The following KCNMA1 variants were observed in gnomAD, a reference collection of about 807,000 sequenced individuals.
The protein encoded by KCNMA1 is Calcium-activated potassium channel subunit alpha-1.
KCNMA1 carries 29 observed loss-of-function variants against 140.0 expected under a neutral mutation model. The ratio of observed to expected loss-of-function variants is 0.21; its 90% CI spans 0.15 to 0.28. The LOEUF is 0.28. Ranked by LOEUF, KCNMA1 falls within the 10% of genes least tolerant of loss-of-function variation. The probability of loss-of-function intolerance (pLI) is 1.00; values close to 1 mark genes in which losing one functional copy is unlikely to be tolerated. For synonymous variants in KCNMA1, 612 were observed against 611.9 expected, an observed-to-expected ratio of 1.00 and a Z score of 0.00; for missense variants, 880 against 1,602.2, an observed-to-expected ratio of 0.55 and a Z score of 7.70.
At chr10:77,634,571 T>A (rs28706743) in intron 1 of KCNMA1, 2 of 985,016 alleles carry the variant, frequency 2.0e-6, no homozygotes, top group Non-Finnish European at 2.4e-6. Flanking sequence ...TCCTCTGGAC[T>A]CCAGCTCTTG....
rs1184957332 is a variant in KCNMA1, at chr10:76,953,024, CAG to C, written c.2484+775_2484+776del. ...CCCAAAGCTGTTAATAGAACAAGGG[CAG>C]AGAGTAGAATGGATTGTTACCTATG... On this transcript the variant is annotated intron_variant, in intron 21 of 27. Coordinates refer to ENST00000286628, the MANE Select transcript of KCNMA1 (RefSeq NM_001161352.2). Among the ~76,000 whole-genome samples, 16 of 152,300 alleles carry C rather than the reference CAG, an allele frequency of 1.1e-4. 1 individual carries two copies. The highest frequency in any genetic ancestry group is 3.6e-4 in the African/African-American group (15 of 41,570).
chr10:76,965,808 G>C (rs2073700193), intron 20 of KCNMA1, among the ~76,000 whole-genome samples: 1 of 152,090 alleles, frequency 6.6e-6, no homozygotes, highest in Non-Finnish European at 1.5e-5. Flanking sequence ...TGAGTTACAG[G>C]CATCCAGTCT....
intron 2 of KCNMA1, among the ~76,000 whole-genome samples, chr10:77,308,665 G>T (rs565607750): frequency 5.3e-5 from 8 of 152,308 alleles, no homozygotes; most frequent in Admixed American, 2.0e-4. Context: ...CAAAATGGCA[G>T]CATGAGGGAT....
chr10:77,463,558 A>C (rs748590417), intron 1 of KCNMA1, among the ~76,000 whole-genome samples: 1 of 152,210 alleles, frequency 6.6e-6, no homozygotes, highest in Admixed American at 6.5e-5. Flanking sequence ...TTGATGGAGC[A>C]CACGCTAAAA....
chr10:77,491,714 T>C (rs1555386774), intron 1 of KCNMA1, among the ~76,000 whole-genome samples: 5 of 145,478 alleles, frequency 3.4e-5, no homozygotes, highest in Non-Finnish European at 4.5e-5. Context: ...TTAGAAGTCA[T>C]ACACACACAC....
intron 2 of KCNMA1, among the ~76,000 whole-genome samples, chr10:77,395,750 T>A (rs558804776): frequency 6.6e-6 from 1 of 152,326 alleles, no homozygotes; most frequent in African/African-American, 2.4e-5. Flanking sequence ...TCTAACCAAC[T>A]GTCAGCAACA....
In KCNMA1 at chr10:76,947,479, T is replaced by C. The variant is rs1004060738; in HGVS notation, c.2709+1663A>G. On this transcript the variant is annotated intron_variant, in intron 22 of 27. Coordinates refer to ENST00000286628, the MANE Select transcript of KCNMA1 (RefSeq NM_001161352.2). ...CCACACACATACACACACAGACTCA[T>C]GTATCCTGGTAAAATAATAAACCCT... 2.0e-5 allele frequency among the ~76,000 whole-genome samples: 3 copies of C among 152,114 alleles called. 1 individual carries two copies. The highest frequency in any genetic ancestry group is 7.2e-5 in the African/African-American group (3 of 41,418).
intron 1 of KCNMA1, among the ~76,000 whole-genome samples, chr10:77,563,789 G>T (rs187841802): frequency 2.0e-5 from 3 of 152,254 alleles, no homozygotes; most frequent in African/African-American, 7.2e-5. Flanking sequence ...CCACAAAATG[G>T]GACTCCATGC....
chr10:77,377,092 C>A (rs1429045048), intron 2 of KCNMA1, among the ~76,000 whole-genome samples: 2 of 152,158 alleles, frequency 1.3e-5, no homozygotes, highest in Non-Finnish European at 2.9e-5. Context: ...GCCTAGGTGA[C>A]CTTGGCCTGG....
At chr10:77,163,340 G>GAGGCAGAGTTGAATGGTGCCTT (rs1275074935) in intron 5 of KCNMA1, among the ~76,000 whole-genome samples, 1 of 152,194 alleles carries the variant, frequency 6.6e-6, no homozygotes, top group Non-Finnish European at 1.5e-5. Flanking sequence ...TCATGCCACA[G>GAGGCAGAGTTGAATGGTGCCTT]AGGCAGAGTT....
chr10:77,002,361 T>C (rs2086754406), intron 18 of KCNMA1, among the ~76,000 whole-genome samples: 1 of 152,238 alleles, frequency 6.6e-6, no homozygotes, highest in African/African-American at 2.4e-5. Context: ...TAGCTACTCA[T>C]GGGTGTATTT....
intron 3 of KCNMA1, among the ~76,000 whole-genome samples, chr10:77,234,866 C>T (rs139389113): frequency 6.6e-6 from 1 of 152,296 alleles, no homozygotes; most frequent in African/African-American, 2.4e-5. Context: ...TACAATAAAA[C>T]ACTTCTAAGA....
At chr10:77,192,416 G>A (rs1018262362) in intron 3 of KCNMA1, among the ~76,000 whole-genome samples, 1 of 152,054 alleles carries the variant, frequency 6.6e-6, no homozygotes, top group Non-Finnish European at 1.5e-5. Context: ...ACCTAGATAG[G>A]TATAGCAAAA....
At chr10:77,357,560 A>C (rs1566219988) in intron 2 of KCNMA1, among the ~76,000 whole-genome samples, 2 of 152,250 alleles carry the variant, frequency 1.3e-5, no homozygotes, top group South Asian at 4.1e-4. Context: ...AATAAAGAAC[A>C]ATTTTTAAAG....
intron 6 of KCNMA1, among the ~76,000 whole-genome samples, chr10:77,115,116 C>G (rs1215563291): frequency 6.6e-6 from 1 of 152,192 alleles, no homozygotes; most frequent in African/African-American, 2.4e-5. Context: ...CTTTCTTCTT[C>G]TATGGAAGAG....
chr10:77,267,768 G>A (rs545714357), intron 2 of KCNMA1, among the ~76,000 whole-genome samples: 90 of 152,228 alleles, frequency 5.9e-4, no homozygotes, highest in African/African-American at 1.8e-3. Context: ...GTCTTCTAAT[G>A]AGTCCCAATC....
chr10:77,262,558 A>T (rs572536366), intron 2 of KCNMA1, among the ~76,000 whole-genome samples: 8 of 147,940 alleles, frequency 5.4e-5, no homozygotes, highest in Non-Finnish European at 1.2e-4. Flanking sequence ...GTTGGAGGTG[A>T]GGCCTGATGG....
chr10:77,557,748 G>A (rs923945736), intron 1 of KCNMA1, among the ~76,000 whole-genome samples: 4 of 151,232 alleles, frequency 2.6e-5, no homozygotes, highest in South Asian at 2.1e-4. Context: ...CGCCTCCTGG[G>A]TTCAAGCAAT....
chr10:77,382,990 GTGTGTATATATATATATATA>G (rs1255849097), intron 2 of KCNMA1, among the ~76,000 whole-genome samples: 4 of 42,602 alleles, frequency 9.4e-5, no homozygotes, highest in African/African-American at 7.0e-4. Flanking sequence ...GTGTGTGTGT[GTGTGTATATATATATATATA>G]TATATATATA....
Sources: gnomAD v4.1 joint callset for allele counts (sites outside exome capture counted in the v4.1 genomes callset) on GRCh38, gnomAD v4.1.1 for gene constraint, MANE v1.5 for transcripts, NCBI Gene and HGNC (gene_info 2026-07-23, HGNC 2026-07-21) for gene names.